The following TENT4B variants were observed in gnomAD, a reference collection of about 807,000 sequenced individuals.
TENT4B encodes PAP associated domain containing 5.
A neutral mutation model predicts 75.0 loss-of-function variants in TENT4B; 10 were observed. The observed-to-expected ratio is 0.13, with a 90% CI of 0.08 to 0.23. TENT4B has a LOEUF of 0.23. Ranked by LOEUF, TENT4B falls within the 10% of genes least tolerant of loss-of-function variation. The pLI, the probability that TENT4B is intolerant of heterozygous loss-of-function variation, is 1.00. For synonymous variants in TENT4B, 350 were observed against 357.7 expected, an observed-to-expected ratio of 0.98 and a Z score of 0.24; for missense variants, 579 against 893.8, an observed-to-expected ratio of 0.65 and a Z score of 4.49.
At position 50,227,950 on chromosome 16, in the gene TENT4B, A is replaced by G; in HGVS notation, c.1912A>G (p.Lys638Glu). The G allele has an allele frequency of 6.2e-7, 1 of 1,614,022 alleles. No homozygotes were observed. The change falls in exon 11 of 12, where the codon AAA becomes GAA. Residue 638 changes from lysine (K) to glutamate (E), a missense_variant. Coordinates refer to ENST00000561678, the MANE Select transcript of TENT4B (RefSeq NM_001365324.3). Reference protein sequence around the residue: ...VSLESSQAVGKMQSTQTTNTS... With the variant: ...VSLESSQAVGEMQSTQTTNTS... Reference sequence around the variant, plus strand: ...CTTGGAGTCCTCTCAGGCAGTTGGGAAAATGCAAAGCACCCAAACCACTAA... The same window carrying G: ...CTTGGAGTCCTCTCAGGCAGTTGGGGAAATGCAAAGCACCCAAACCACTAA...
chr16:50,164,277 A>G (rs762593538), intron 1 of TENT4B, among the ~76,000 whole-genome samples: 6 of 151,822 alleles, frequency 4.0e-5, no homozygotes, highest in African/African-American at 1.4e-4. Context: ...TATTGGGATT[A>G]CAGGTGTGAG....
intron 1 of TENT4B, among the ~76,000 whole-genome samples, chr16:50,172,502 T>A (rs988037131): frequency 4.4e-5 from 4 of 89,936 alleles, no homozygotes; most frequent in Non-Finnish European, 8.3e-5. Flanking sequence ...TTAATAGAAT[T>A]TATTACTTTT....
At chr16:50,156,795 A>T (rs192045552) in intron 1 of TENT4B, among the ~76,000 whole-genome samples, 1 of 152,050 alleles carries the variant, frequency 6.6e-6, no homozygotes, top group Admixed American at 6.6e-5. Context: ...AGCTGGGACT[A>T]CAGGCACATG....
At chr16:50,211,038 A>G (rs1216525688) in intron 1 of TENT4B, among the ~76,000 whole-genome samples, 1 of 152,196 alleles carries the variant, frequency 6.6e-6, no homozygotes, top group African/African-American at 2.4e-5. Flanking sequence ...TGTCTATTAG[A>G]TCAGAAGTGG....
chr16:50,202,399 AAC>A (rs1182641716), intron 1 of TENT4B, among the ~76,000 whole-genome samples: 2 of 152,350 alleles, frequency 1.3e-5, no homozygotes, highest in Non-Finnish European at 2.9e-5. Flanking sequence ...ATGTGGGTTA[AAC>A]ACATCCATAT....
intron 1 of TENT4B, among the ~76,000 whole-genome samples, chr16:50,206,765 C>A (rs148487656): frequency 6.6e-6 from 1 of 152,186 alleles, no homozygotes; most frequent in East Asian, 1.9e-4. Flanking sequence ...CCAGGGTGGT[C>A]CAGCTGAAGG....
rs1234162962 is a variant in TENT4B at position 50,153,406 on chromosome 16, C to G, written c.-216C>G. 6.8e-6 allele frequency among the ~76,000 whole-genome samples: 1 copy of G among 146,050 alleles called. No homozygotes were observed. Among genetic ancestry groups the G allele is most frequent in the African/African-American group, 2.5e-5 (1 of 40,638 alleles). ...AGGGGCGGAGGGAGGGGGGGAGGGCCCGCGGAGCCCCCGAGGGCGGGAGCG... is the reference window on the plus strand; with the variant it reads ...AGGGGCGGAGGGAGGGGGGGAGGGCGCGCGGAGCCCCCGAGGGCGGGAGCG... On this transcript the variant is annotated 5_prime_UTR_variant, in exon 1 of 12. Transcript: ENST00000561678.
intron 1 of TENT4B, among the ~76,000 whole-genome samples, chr16:50,186,345 T>G (rs1180260396): frequency 1.3e-5 from 2 of 152,210 alleles, no homozygotes; most frequent in Non-Finnish European, 2.9e-5. Flanking sequence ...ATGCTTTGTT[T>G]TAATTATGTT....
intron 1 of TENT4B, among the ~76,000 whole-genome samples, chr16:50,168,109 A>G (rs1418245907): frequency 1.1e-5 from 1 of 93,092 alleles, no homozygotes; most frequent in Non-Finnish European, 2.8e-5. Context: ...ATAAAAAATA[A>G]TTAAAAAAAA....
At chr16:50,188,272 T>C (rs2038573679) in intron 1 of TENT4B, among the ~76,000 whole-genome samples, 1 of 152,216 alleles carries the variant, frequency 6.6e-6, no homozygotes, top group Admixed American at 6.5e-5. Context: ...TACCTTGCCA[T>C]GAGGTAACTC....
At chr16:50,169,270 C>T (rs977105162) in intron 1 of TENT4B, among the ~76,000 whole-genome samples, 5 of 151,978 alleles carry the variant, frequency 3.3e-5, no homozygotes, top group Non-Finnish European at 7.4e-5. Context: ...GTGGACTTTC[C>T]TACTCTCTGG....
intron 1 of TENT4B, 25 bp downstream of exon 1, chr16:50,154,284 T>C: frequency 7.2e-7 from 1 of 1,390,182 alleles, no homozygotes; most frequent in Non-Finnish European, 9.3e-7. Context: ...TGCGGCCCGA[T>C]GGCCTGGCCG....
At chr16:50,172,411 A>T (rs1485558661) in intron 1 of TENT4B, among the ~76,000 whole-genome samples, 3 of 151,974 alleles carry the variant, frequency 2.0e-5, no homozygotes, top group Non-Finnish European at 4.4e-5. Flanking sequence ...TGACTGGGAG[A>T]CTGGAGTATG....
rs1282938585 is a variant in TENT4B at position 50,154,074 on chromosome 16, C to T, written c.453C>T (p.Ala151=). ...PSAAVPAADP[A]DSASGSSNKR... ...CCGCCGTCCCCGCCGCCGATCCAGC[C>T]GATTCGGCCTCGGGCAGCAGCAACA... Residue 151 remains alanine, a synonymous_variant, in exon 1 of 12, where the codon GCC becomes GCT. Coordinates refer to ENST00000561678, the MANE Select transcript of TENT4B (RefSeq NM_001365324.3). The T allele has an allele frequency of 1.3e-6, 2 of 1,532,282 alleles. No homozygotes were observed. Among genetic ancestry groups the T allele is most frequent in the African/African-American group, 1.4e-5 (1 of 72,894 alleles). The allele number at this position is 1,532,282 out of a possible 1,614,324, so 94.9% of individuals were successfully genotyped here.
intron 1 of TENT4B, among the ~76,000 whole-genome samples, chr16:50,189,126 C>T (rs2038591389): frequency 6.6e-6 from 1 of 152,094 alleles, no homozygotes; most frequent in Non-Finnish European, 1.5e-5. Flanking sequence ...AGGCTGTTTC[C>T]ATTGAATACA....
intron 1 of TENT4B, among the ~76,000 whole-genome samples, chr16:50,168,043 A>G (rs181210904): frequency 6.6e-6 from 1 of 151,706 alleles, no homozygotes; most frequent in Admixed American, 6.6e-5. Context: ...TCCCAGAACC[A>G]TTTGTTGAAA....
At chr16:50,211,507 A>T in intron 2 of TENT4B, 61 bp downstream of exon 2, 2 of 1,455,730 alleles carry the variant, frequency 1.4e-6, no homozygotes, top group Non-Finnish European at 1.8e-6. Flanking sequence ...CTAGAAGCCT[A>T]TCTGCTGGTA....
intron 1 of TENT4B, among the ~76,000 whole-genome samples, chr16:50,162,296 A>C (rs1382305233): frequency 6.6e-6 from 1 of 152,362 alleles, no homozygotes; most frequent in East Asian, 1.9e-4. Context: ...TTTTATGTGA[A>C]TATAAAGTTT....
chr16:50,153,788 GC>G lies in TENT4B; in HGVS notation c.168del (p.Ser56ArgfsTer51). The G allele has an allele frequency of 8.4e-7, 1 of 1,185,786 alleles. No homozygotes were observed. Among genetic ancestry groups the G allele is most frequent in the South Asian group, 3.8e-5 (1 of 26,412 alleles). The allele number at this position is 1,185,786 out of a possible 1,614,324, so 73.5% of individuals were successfully genotyped here. ...SGGGGSSSSS[S>X]TATGGSGSST... Reference sequence around the variant, plus strand: ...GGCGGCGGCAGCAGCAGCAGCAGCAGCACGGCCACCGGCGGGAGCGGCAGCA... The same window carrying G: ...GGCGGCGGCAGCAGCAGCAGCAGCAGACGGCCACCGGCGGGAGCGGCAGCA... On this transcript the variant is annotated frameshift_variant, in exon 1 of 12. Coordinates refer to ENST00000561678, the MANE Select transcript of TENT4B (RefSeq NM_001365324.3). LOFTEE classifies it high-confidence loss of function.
Sources: allele counts gnomAD v4.1 joint callset (sites outside exome capture counted in the v4.1 genomes callset), GRCh38; gene constraint gnomAD v4.1.1; transcripts MANE v1.5; gene names NCBI Gene and HGNC (gene_info 2026-07-23, HGNC 2026-07-21).